Variants in SPATA6 observed in about 807,000 individuals in gnomAD.
SPATA6 encodes the protein spermatogenesis-associated protein 6.
In SPATA6, 56 loss-of-function variants were observed where a neutral mutation model predicts 65.3. That is an observed-to-expected ratio of 0.86 (90% confidence interval 0.69 to 1.07). SPATA6 has a LOEUF of 1.07. Ranked by LOEUF, SPATA6 falls within the 50% of genes least tolerant of loss-of-function variation. The pLI, the probability that SPATA6 is intolerant of heterozygous loss-of-function variation, is 0.00. For missense variants in SPATA6, 590 were observed against 594.8 expected (o/e 0.99, Z 0.08); for synonymous variants, 199 against 213.2 (o/e 0.93, Z 0.58).
the SPATA6 span, among the ~76,000 whole-genome samples, chr1:48,270,339 G>A: frequency 1.3e-5 from 2 of 152,062 alleles, no homozygotes; most frequent in Non-Finnish European, 2.9e-5. Context: ...GTTTTAATGC[G>A]TAAAGGTAAG....
intron 9 of SPATA6, among the ~76,000 whole-genome samples, chr1:48,370,600 A>G (rs544909984): frequency 1.2e-4 from 18 of 152,348 alleles, no homozygotes; most frequent in African/African-American, 4.1e-4. Flanking sequence ...TAATTCCCAA[A>G]TATATCAGAT....
At chr1:48,368,585 A>G (rs1647115736) in intron 9 of SPATA6, among the ~76,000 whole-genome samples, 1 of 152,140 alleles carries the variant, frequency 6.6e-6, no homozygotes, top group South Asian at 2.1e-4. Context: ...AGTTGATCAC[A>G]TCGGCTCCTG....
chr1:48,465,828 T>C (rs1657766415), intron 1 of SPATA6, among the ~76,000 whole-genome samples: 1 of 152,148 alleles, frequency 6.6e-6, no homozygotes, highest in Non-Finnish European at 1.5e-5. Flanking sequence ...GTGTACTCTT[T>C]CCTCAATTTA....
At chr1:48,273,636 C>G in the SPATA6 span, among the ~76,000 whole-genome samples, 1 of 152,172 alleles carries the variant, frequency 6.6e-6, no homozygotes, top group African/African-American at 2.4e-5. Flanking sequence ...ACGATGGTTT[C>G]CAGTGTCATC....
At chr1:48,337,284 G>A (rs532799620) in intron 11 of SPATA6, among the ~76,000 whole-genome samples, 2 of 151,806 alleles carry the variant, frequency 1.3e-5, no homozygotes, top group South Asian at 4.2e-4. Context: ...AGTGGTAGCA[G>A]AATAATCATC....
chr1:48,287,128 A>C, the SPATA6 span, among the ~76,000 whole-genome samples: 2 of 151,914 alleles, frequency 1.3e-5, no homozygotes, highest in South Asian at 4.2e-4. Context: ...GGGAGGCCTC[A>C]GGAAGCTTCC....
At chr1:48,267,428 G>A in the SPATA6 span, among the ~76,000 whole-genome samples, 9 of 152,138 alleles carry the variant, frequency 5.9e-5, no homozygotes, top group Admixed American at 1.3e-4. Context: ...TGGAAAAATC[G>A]AATCACACGT....
chr1:48,316,713 A>G (rs1456978368), intron 11 of SPATA6, among the ~76,000 whole-genome samples: 1 of 152,226 alleles, frequency 6.6e-6, no homozygotes, highest in Non-Finnish European at 1.5e-5. Context: ...GCTTCTGCAC[A>G]GCAAAAGAAA....
the SPATA6 span, among the ~76,000 whole-genome samples, chr1:48,277,454 G>A: frequency 6.6e-6 from 1 of 152,214 alleles, no homozygotes; most frequent in African/African-American, 2.4e-5. Context: ...ATGGCACCTG[G>A]AAAATTGGGT....
intron 11 of SPATA6, among the ~76,000 whole-genome samples, chr1:48,316,615 G>A (rs1414963023): frequency 6.6e-6 from 1 of 152,112 alleles, no homozygotes; most frequent in Non-Finnish European, 1.5e-5. Flanking sequence ...TCAGGACATA[G>A]GCATGAGCAA....
intron 11 of SPATA6, among the ~76,000 whole-genome samples, chr1:48,347,519 T>C (rs910343657): frequency 3.4e-5 from 5 of 146,790 alleles, no homozygotes; most frequent in Admixed American, 2.7e-4. Flanking sequence ...ATATATAATG[T>C]ATTAAATTAA....
At chr1:48,374,248 GATT>G (rs1240007552) in intron 9 of SPATA6, among the ~76,000 whole-genome samples, 2 of 150,902 alleles carry the variant, frequency 1.3e-5, no homozygotes, top group African/African-American at 4.9e-5. Flanking sequence ...TCTATTACAA[GATT>G]ATCATGCAAA....
At chr1:48,350,775 T>G (rs1312815803) in intron 11 of SPATA6, among the ~76,000 whole-genome samples, 4 of 151,964 alleles carry the variant, frequency 2.6e-5, no homozygotes, top group Admixed American at 6.6e-5. Flanking sequence ...TTCATTACTG[T>G]GCTTTATTGC....
chr1:48,284,416 G>A, the SPATA6 span, among the ~76,000 whole-genome samples: 1 of 152,146 alleles, frequency 6.6e-6, no homozygotes, highest in Non-Finnish European at 1.5e-5. Flanking sequence ...TGCACCTTCT[G>A]AAGCCTACTT....
chr1:48,413,258 A>G, intron 3 of SPATA6, 107 bp from the exon 4 acceptor site: 1 of 372,750 alleles, frequency 2.7e-6, no homozygotes, highest in East Asian at 6.6e-5. Context: ...TAGGTAGACT[A>G]CATATATGTT....
intron 5 of SPATA6, among the ~76,000 whole-genome samples, chr1:48,411,201 A>G (rs1652194029): frequency 6.6e-6 from 1 of 152,174 alleles, no homozygotes; most frequent in Non-Finnish European, 1.5e-5. Context: ...CTTTTTATTA[A>G]ATTATTTTCA....
At chr1:48,363,525 A>C (rs891385843) in intron 9 of SPATA6, among the ~76,000 whole-genome samples, 5 of 152,158 alleles carry the variant, frequency 3.3e-5, no homozygotes, top group Admixed American at 3.3e-4. Flanking sequence ...GGAAAGTGAA[A>C]ACACTAGTGG....
chr1:48,270,047 C>T, the SPATA6 span, among the ~76,000 whole-genome samples: 16 of 152,042 alleles, frequency 1.1e-4, no homozygotes, highest in African/African-American at 3.9e-4. Flanking sequence ...CTATGATATA[C>T]CAAAAAAAGC....
In SPATA6 at chr1:48,331,215, C is replaced by T. The variant is rs528771273; in HGVS notation, c.1194+24455G>A. On this transcript the variant is annotated intron_variant, in intron 11 of 12. Transcript: ENST00000371847. The stretch of plus-strand genomic sequence containing the variant: ...CCACACTAACTCTCCAGCAAGGGTT[C>T]TTAACTGAGCTGAGATGGCTGAAAT... 2.0e-5 allele frequency among the ~76,000 whole-genome samples: 3 copies of T among 152,218 alleles called. No individual in the cohort carries two copies. The East Asian group carries it at 5.8e-4, about 29-fold the overall frequency.
Sources: gnomAD v4.1 joint callset for allele counts (sites outside exome capture counted in the v4.1 genomes callset) on GRCh38, gnomAD v4.1.1 for gene constraint, MANE v1.5 for transcripts, NCBI Gene and HGNC (gene_info 2026-07-23, HGNC 2026-07-21) for gene names.